The following NRXN1 variants were observed in gnomAD, a reference collection of about 807,000 sequenced individuals.
The protein encoded by NRXN1 is neurexin-1.
Under a neutral mutation model 150.9 loss-of-function variants are expected in NRXN1, and 39 were observed. The observed-to-expected ratio is 0.26, with a 90% CI of 0.20 to 0.34. The LOEUF (loss-of-function observed/expected upper bound fraction) is 0.34, where lower values mean the gene tolerates loss of function less well. Ranked by LOEUF, NRXN1 falls within the 10% of genes least tolerant of loss-of-function variation. NRXN1 has a pLI of 1.00. For missense variants in NRXN1, 1,815 were observed against 1,949.9 expected (o/e 0.93, Z 1.30); for synonymous variants, 924 against 757.0 (o/e 1.22, Z -3.62).
chr2:50,937,941 A>T (rs1465987572), intron 2 of NRXN1, among the ~76,000 whole-genome samples: 1 of 152,188 alleles, frequency 6.6e-6, no homozygotes, highest in Non-Finnish European at 1.5e-5. Flanking sequence ...CACCTAGGCT[A>T]TCTGGTATAG....
chr2:50,539,092 T>C (rs565046338), intron 9 of NRXN1, among the ~76,000 whole-genome samples: 3 of 152,234 alleles, frequency 2.0e-5, no homozygotes, highest in Non-Finnish European at 2.9e-5. Flanking sequence ...TTGAGCACAA[T>C]AGTTTCACAG....
intron 5 of NRXN1, among the ~76,000 whole-genome samples, chr2:50,837,650 G>C (rs551038960): frequency 6.6e-6 from 1 of 152,086 alleles, no homozygotes. Flanking sequence ...ACAATTATAA[G>C]AGCTGAGTAA....
intron 5 of NRXN1, among the ~76,000 whole-genome samples, chr2:50,888,927 T>C (rs923524368): frequency 6.6e-6 from 1 of 151,884 alleles, no homozygotes; most frequent in East Asian, 1.9e-4. Flanking sequence ...TATTTTCTTA[T>C]GATTGTCACA....
chr2:50,629,775 A>G (rs1386730426), intron 5 of NRXN1, among the ~76,000 whole-genome samples: 1 of 151,636 alleles, frequency 6.6e-6, no homozygotes, highest in Non-Finnish European at 1.5e-5. Context: ...AATAATTTCA[A>G]TTGTCACTTT....
At chr2:50,743,312 A>T (rs1425503657) in intron 5 of NRXN1, among the ~76,000 whole-genome samples, 5 of 152,068 alleles carry the variant, frequency 3.3e-5, no homozygotes, top group African/African-American at 4.8e-5. Context: ...CTGAAATTTT[A>T]AAGTGGGTAT....
chr2:50,179,076 C>T (rs2060533271), intron 18 of NRXN1, among the ~76,000 whole-genome samples: 1 of 152,044 alleles, frequency 6.6e-6, no homozygotes, highest in South Asian at 2.1e-4. Flanking sequence ...ACTTTGTCAT[C>T]CTAATCAGAA....
chr2:50,808,678 C>T (rs948026556), intron 5 of NRXN1, among the ~76,000 whole-genome samples: 2 of 152,014 alleles, frequency 1.3e-5, no homozygotes, highest in Non-Finnish European at 2.9e-5. Flanking sequence ...AAATACTTGG[C>T]CTCTGATAAT....
chr2:50,440,843 T>C (rs1180657310), intron 17 of NRXN1, among the ~76,000 whole-genome samples: 2 of 152,206 alleles, frequency 1.3e-5, no homozygotes, highest in African/African-American at 2.4e-5. Flanking sequence ...TGATTTTCTA[T>C]CTGATCAAAT....
Position 50,621,255 on chromosome 2 carries a change from T to C in NRXN1, c.1135-6A>G, listed in dbSNP as rs199980608. The C allele has an allele frequency of 1.6e-5, 25 of 1,567,638 alleles. No homozygotes were observed. The highest frequency in any genetic ancestry group is 2.2e-5 in the Non-Finnish European group (25 of 1,154,048). On this transcript the variant is annotated splice_polypyrimidine_tract_variant and splice_region_variant and intron_variant, in intron 6 of 22. Coordinates refer to ENST00000401669, the MANE Select transcript of NRXN1 (RefSeq NM_001330078.2). ...GCGTGTCCAATGCCTGAGTGCTTTG[T>C]GGAGAAGGGGGGAGAAAGGAAATTA...
intron 5 of NRXN1, among the ~76,000 whole-genome samples, chr2:50,677,322 G>C (rs150690203): frequency 0.015 from 2,344 of 152,156 alleles, 55 homozygotes; most frequent in African/African-American, 0.053. Flanking sequence ...TTTAACTTTG[G>C]CATGTCTGTG....
At chr2:50,196,828 G>A (rs868805358) in intron 18 of NRXN1, among the ~76,000 whole-genome samples, 4 of 152,118 alleles carry the variant, frequency 2.6e-5, no homozygotes, top group Non-Finnish European at 5.9e-5. Flanking sequence ...AATACTGCAT[G>A]TTCTCACTTA....
At chr2:50,912,458 A>G (rs1399354503) in intron 5 of NRXN1, among the ~76,000 whole-genome samples, 1 of 152,000 alleles carries the variant, frequency 6.6e-6, no homozygotes, top group African/African-American at 2.4e-5. Context: ...CTGTTGCAAT[A>G]AATCAAGATG....
At chr2:50,026,240 G>A (rs935993348) in intron 21 of NRXN1, among the ~76,000 whole-genome samples, 4 of 152,114 alleles carry the variant, frequency 2.6e-5, no homozygotes, top group African/African-American at 9.7e-5. Context: ...AAGTTTTGAG[G>A]CACATGCTAT....
chr2:49,983,557 C>T (rs1227132786), intron 21 of NRXN1, among the ~76,000 whole-genome samples: 1 of 151,968 alleles, frequency 6.6e-6, no homozygotes, highest in Non-Finnish European at 1.5e-5. Context: ...TTAGATAGCA[C>T]AATTCTATGA....
chr2:50,698,527 G>A (rs558850488), intron 5 of NRXN1, among the ~76,000 whole-genome samples: 1 of 152,224 alleles, frequency 6.6e-6, no homozygotes, highest in East Asian at 1.9e-4. Context: ...GCAATGTGGT[G>A]GCTATTTTAA....
chr2:51,019,239 ACTTTT>A (rs1220290204), intron 2 of NRXN1, among the ~76,000 whole-genome samples: 40 of 152,216 alleles, frequency 2.6e-4, no homozygotes, highest in Admixed American at 4.6e-4. Context: ...GAGCTACTGA[ACTTTT>A]AGCAAGTGAT....
intron 18 of NRXN1, among the ~76,000 whole-genome samples, chr2:50,116,778 A>C (rs779872664): frequency 6.6e-6 from 1 of 152,138 alleles, no homozygotes; most frequent in Non-Finnish European, 1.5e-5. Context: ...CAAACAAACA[A>C]AACTTGCACT....
chr2:50,536,377 G>A (rs2093259259), intron 10 of NRXN1, among the ~76,000 whole-genome samples: 1 of 152,176 alleles, frequency 6.6e-6, no homozygotes, highest in African/African-American at 2.4e-5. Flanking sequence ...GATGAAGTTT[G>A]CTATTAAATT....
intron 2 of NRXN1, among the ~76,000 whole-genome samples, chr2:51,009,927 G>C (rs1667589155): frequency 6.6e-6 from 1 of 151,270 alleles, no homozygotes; most frequent in South Asian, 2.1e-4. Context: ...ACGAGACCAA[G>C]TTAAAAAAAA....
Sources: allele counts gnomAD v4.1 joint callset (sites outside exome capture counted in the v4.1 genomes callset), GRCh38; gene constraint gnomAD v4.1.1; transcripts MANE v1.5; gene names NCBI Gene and HGNC (gene_info 2026-07-23, HGNC 2026-07-21).